Variants in DCUN1D5 observed in about 807,000 individuals in gnomAD.
DCUN1D5 encodes the protein defective in cullin neddylation 1 domain containing 5.
Under a neutral mutation model 38.3 loss-of-function variants are expected in DCUN1D5, and 10 were observed. That is an observed-to-expected ratio of 0.26 (90% CI 0.16 to 0.44). DCUN1D5 has a LOEUF of 0.44. Ranked by LOEUF, DCUN1D5 falls within the 20% of genes least tolerant of loss-of-function variation. The probability of loss-of-function intolerance (pLI) is 1.00; values close to 1 mark genes in which losing one functional copy is unlikely to be tolerated. For missense variants in DCUN1D5, 148 were observed against 275.3 expected (o/e 0.54, Z 3.27); for synonymous variants, 93 against 90.9 (o/e 1.02, Z -0.13).
chr11:103,086,061 T>C lies in DCUN1D5; in HGVS notation c.179-2735A>G, dbSNP rs911449851. ...AATACCATAGTAACAAGTTTAGTGA[T>C]ATTTTCAAAACTAAAAGAAAAACAC... On this transcript the variant is annotated intron_variant, in intron 2 of 7. Coordinates refer to ENST00000260247, the MANE Select transcript of DCUN1D5 (RefSeq NM_032299.4). The surrounding 1 kb of genome is among the most constrained non-coding windows in gnomAD (Gnocchi z 4.1). Among the ~76,000 whole-genome samples, 1 of 152,188 alleles carries C rather than the reference T, an allele frequency of 6.6e-6. No individual in the cohort carries two copies. The highest frequency in any genetic ancestry group is 6.5e-5 in the Admixed American group (1 of 15,290).
At chr11:103,081,608 G>A (rs1862565844) in intron 4 of DCUN1D5, among the ~76,000 whole-genome samples, 1 of 152,004 alleles carries the variant, frequency 6.6e-6, no homozygotes, top group South Asian at 2.1e-4. Context: ...TGAATTCTAG[G>A]TTCTAACTAA....
intron 4 of DCUN1D5, among the ~76,000 whole-genome samples, chr11:103,080,271 A>G (rs1315250708): frequency 1.3e-5 from 2 of 152,220 alleles, no homozygotes; most frequent in East Asian, 1.9e-4. Context: ...AGTATGAAAA[A>G]TATCAGAGAG....
intron 4 of DCUN1D5, chr11:103,080,052 C>T (rs1355174896): frequency 3.9e-5 from 6 of 152,162 alleles, no homozygotes; most frequent in Non-Finnish European, 7.3e-5. Flanking sequence ...AACTATAAAG[C>T]ATTACACAAT....
chr11:103,062,296 C>T lies in DCUN1D5; in HGVS notation c.*63G>A, dbSNP rs1225774761. The T allele has an allele frequency of 1.3e-6, 2 of 1,491,786 alleles. No individual in the cohort carries two copies. The highest frequency in any genetic ancestry group is 1.7e-5 in the Admixed American group (1 of 57,682). 92.4% of individuals were successfully genotyped at this position (1,491,786 alleles called of 1,614,324 possible). ...GCACCCGTTGGATTTTTTTCCCCCT[C>T]ATCACATTAGCTTGTATACACGTGG... On this transcript the variant is annotated 3_prime_UTR_variant, in exon 8 of 8. Coordinates refer to ENST00000260247, the MANE Select transcript of DCUN1D5 (RefSeq NM_032299.4). The surrounding 1 kb of genome is among the most constrained non-coding windows in gnomAD (Gnocchi z 4.6).
chr11:103,072,043 G>GAA (rs575068188), intron 4 of DCUN1D5, among the ~76,000 whole-genome samples: 1 of 143,402 alleles, frequency 7.0e-6, no homozygotes, highest in African/African-American at 2.5e-5. Flanking sequence ...ATAAAACTCA[G>GAA]AAAAAAAAAA....
chr11:103,059,334 A>G lies in DCUN1D5; in HGVS notation c.*3025T>C, dbSNP rs181880815. On this transcript the variant is annotated 3_prime_UTR_variant, in exon 8 of 8. Coordinates refer to ENST00000260247, the MANE Select transcript of DCUN1D5 (RefSeq NM_032299.4). ...CTTGAAAACTCTGGAGTTATCTCAG[A>G]ATTTACTCCCACCCCGACCCCGAGT... 4.3e-4 allele frequency among the ~76,000 whole-genome samples: 66 copies of G among 152,238 alleles called. 1 individual carries two copies. The highest frequency in any genetic ancestry group is 1.6e-3 in the African/African-American group (65 of 41,542).
chr11:103,082,075 ACAATT>A (rs1862578880), intron 4 of DCUN1D5, among the ~76,000 whole-genome samples: 1 of 152,154 alleles, frequency 6.6e-6, no homozygotes, highest in Non-Finnish European at 1.5e-5. Flanking sequence ...ATGATACTAT[ACAATT>A]AACACAAAAT....
Position 103,062,654 on chromosome 11 carries a change from C to T in DCUN1D5, c.659-240G>A, listed in dbSNP as rs1488332581. On this transcript the variant is annotated intron_variant, in intron 7 of 7. Transcript: ENST00000260247. The surrounding 1 kb of genome is among the most constrained non-coding windows in gnomAD (Gnocchi z 4.6). ...CTTCCTTCTCAAGGTGTTTCATGAA[C>T]CCTCCAGTAACTGAGTCAATACAAA... Among the ~76,000 whole-genome samples the T allele has an allele frequency of 2.0e-5, 3 of 152,060 alleles. No individual in the cohort carries two copies. Among genetic ancestry groups the T allele is most frequent in the Non-Finnish European group, 2.9e-5 (2 of 67,968 alleles).
chr11:103,063,619 T>C lies in DCUN1D5; in HGVS notation c.658+656A>G, dbSNP rs1350714360. Among the ~76,000 whole-genome samples, 5 of 152,256 alleles carry C rather than the reference T, an allele frequency of 3.3e-5. 1 individual carries two copies. The South Asian group carries it at 8.3e-4, about 25-fold the overall frequency. ...AACCCTTCTGAACACTGAAAACACA[T>C]GCAACCAACCAAAATGGTGGTTGGA... On this transcript the variant is annotated intron_variant, in intron 7 of 7. Transcript: ENST00000260247. The surrounding 1 kb of genome is among the most constrained non-coding windows in gnomAD (Gnocchi z 4.6).
chr11:103,091,585 T>A lies in DCUN1D5; in HGVS notation c.86+202A>T. 1 of 861,628 alleles carries A rather than the reference T, an allele frequency of 1.2e-6. No homozygotes were observed. 53.4% of individuals were successfully genotyped at this position (861,628 alleles called of 1,614,324 possible). A position where few individuals can be genotyped will look rare whatever the true frequency, so the allele number is the denominator to read the frequency against. ...GTGGGCGGCTCTTCTAGTCTCTCCA[T>A]AAACGCCAGCGTGCACACACTCGAA... On this transcript the variant is annotated intron_variant, in intron 1 of 7. Coordinates refer to ENST00000260247, the MANE Select transcript of DCUN1D5 (RefSeq NM_032299.4). This position sits in a 1 kb window ranked among gnomAD's most constrained non-coding sequence, Gnocchi z 4.3.
In DCUN1D5 at chr11:103,091,321, T is replaced by C. The variant is rs554613039; in HGVS notation, c.86+466A>G. On this transcript the variant is annotated intron_variant, in intron 1 of 7. Transcript: ENST00000260247. The surrounding 1 kb of genome is among the most constrained non-coding windows in gnomAD (Gnocchi z 4.3). ...ATTATAGCATACAAGTTTTCCTTTCTACCATTCCCAAGACAGTTGTCAAGA... is the reference window on the plus strand; with the variant it reads ...ATTATAGCATACAAGTTTTCCTTTCCACCATTCCCAAGACAGTTGTCAAGA... Among the ~76,000 whole-genome samples, 1 of 152,258 alleles carries C rather than the reference T, an allele frequency of 6.6e-6. No individual in the cohort carries two copies. The highest frequency in any genetic ancestry group is 1.5e-5 in the Non-Finnish European group (1 of 68,008).
intron 2 of DCUN1D5, 50 bp downstream of exon 2, chr11:103,089,177 T>C (rs1460575099): frequency 1.9e-6 from 3 of 1,564,504 alleles, no homozygotes; most frequent in Non-Finnish European, 2.6e-6. Context: ...ATAAGGCAAA[T>C]AAACTTTTTA....
At chr11:103,070,607 G>A (rs1246964118) in intron 4 of DCUN1D5, among the ~76,000 whole-genome samples, 1 of 152,104 alleles carries the variant, frequency 6.6e-6, no homozygotes, top group African/African-American at 2.4e-5. Context: ...GCACTGAAAA[G>A]AGAAATAAAT....
intron 4 of DCUN1D5, among the ~76,000 whole-genome samples, chr11:103,074,990 C>T (rs1195895973): frequency 6.6e-6 from 1 of 152,118 alleles, no homozygotes; most frequent in Non-Finnish European, 1.5e-5. Flanking sequence ...ACAGGGGAGT[C>T]TTATTCTAAA....
chr11:103,089,341 A>G, intron 1 of DCUN1D5, 23 bp from the exon 2 acceptor site: 1 of 1,573,728 alleles, frequency 6.4e-7, no homozygotes. Context: ...ACAGACGCCT[A>G]AGATTTTTAT....
chr11:103,068,524 T>C (rs1862190709), intron 4 of DCUN1D5, among the ~76,000 whole-genome samples: 3 of 152,066 alleles, frequency 2.0e-5, no homozygotes, highest in African/African-American at 7.2e-5. Context: ...AAGAACACGA[T>C]CATACATTTT....
Position 103,081,057 on chromosome 11 carries a change from G to A in DCUN1D5, c.341+1691C>T, listed in dbSNP as rs182431984. Among the ~76,000 whole-genome samples the A allele has an allele frequency of 2.6e-5, 4 of 150,980 alleles. No homozygotes were observed. The East Asian group carries it at 7.8e-4, about 29-fold the overall frequency. ...GGCTAGTCAGTTTCTATTCTTGTAC[G>A]CAAGACCATATGATGTTGATTATTC... On this transcript the variant is annotated intron_variant, in intron 4 of 7. Transcript: ENST00000260247.
chr11:103,057,143 A>G lies in DCUN1D5; in HGVS notation c.*5216T>C, dbSNP rs1308573828. Among the ~76,000 whole-genome samples the G allele has an allele frequency of 6.6e-6, 1 of 152,236 alleles. No homozygotes were observed. Among genetic ancestry groups the G allele is most frequent in the East Asian group, 1.9e-4 (1 of 5,196 alleles). On this transcript the variant is annotated 3_prime_UTR_variant, in exon 8 of 8. Transcript: ENST00000260247. This position sits in a 1 kb window ranked among gnomAD's most constrained non-coding sequence, Gnocchi z 4.8. ...GTAAGATTTCTACATTTGTAGATAAAAGTAACTGTGTATGAACTTGCTCTA... is the reference window on the plus strand; with the variant it reads ...GTAAGATTTCTACATTTGTAGATAAGAGTAACTGTGTATGAACTTGCTCTA...
chr11:103,089,359 C>G, intron 1 of DCUN1D5, 41 bp from the exon 2 acceptor site: 1 of 1,510,212 alleles, frequency 6.6e-7, no homozygotes, highest in Non-Finnish European at 9.1e-7. Context: ...TATCACATCT[C>G]AACTCTTAGA....
Sources: allele counts gnomAD v4.1 joint callset (sites outside exome capture counted in the v4.1 genomes callset), GRCh38; gene constraint gnomAD v4.1.1; non-coding constraint Gnocchi (gnomAD v3.1); transcripts MANE v1.5; gene names NCBI Gene and HGNC (gene_info 2026-07-23, HGNC 2026-07-21).